AP3S1: variants seen among roughly 807,000 people sequenced by gnomAD.
AP3S1 encodes adaptor related protein complex 3 subunit sigma 1, also known as AP-3 complex subunit sigma-1.
Under a neutral mutation model 21.3 loss-of-function variants are expected in AP3S1, and 12 were observed. The observed-to-expected ratio is 0.56, with a 90% CI of 0.36 to 0.91. The LOEUF is 0.91. Among genes scored for constraint, AP3S1 ranks in the 40% least tolerant of loss-of-function variants. The probability of loss-of-function intolerance (pLI) is 0.01; values close to 1 mark genes in which losing one functional copy is unlikely to be tolerated. For synonymous variants in AP3S1, 48 were observed against 78.4 expected (o/e 0.61, Z 2.05); for missense variants, 116 against 225.0 (o/e 0.52, Z 3.10).
At chr5:115,845,797 A>G (rs12658544) in intron 1 of AP3S1, among the ~76,000 whole-genome samples, 1 of 131,656 alleles carries the variant, frequency 7.6e-6, no homozygotes, top group South Asian at 2.7e-4. Context: ...AGATCGTGCC[A>G]CTGCATTCCA....
intron 5 of AP3S1, among the ~76,000 whole-genome samples, chr5:115,906,077 G>A (rs1258392965): frequency 2.6e-5 from 4 of 152,192 alleles, no homozygotes; most frequent in Admixed American, 2.0e-4. Context: ...AGAATCGCCC[G>A]ATTCCGGGAG....
rs547291583 is a variant in AP3S1, at chr5:115,882,946, A to G, written c.274-12141A>G. Among the ~76,000 whole-genome samples the G allele has an allele frequency of 4.0e-4, 61 of 152,286 alleles. No homozygotes were observed. The Middle Eastern group carries it at 0.01, about 25-fold the overall frequency. On this transcript the variant is annotated intron_variant, in intron 3 of 5. Coordinates refer to ENST00000316788, the MANE Select transcript of AP3S1 (RefSeq NM_001284.4). The stretch of plus-strand genomic sequence containing the variant: ...GCAGTCTGGCCACAGTGACTTTGCC[A>G]TGTTGTGGTGGGCTCTGCCCAGTTT...
At chr5:115,874,999 T>C (rs775554482) in intron 3 of AP3S1, among the ~76,000 whole-genome samples, 2 of 152,138 alleles carry the variant, frequency 1.3e-5, no homozygotes, top group African/African-American at 2.4e-5. Flanking sequence ...GTGTGAGCGT[T>C]AAAAAAAGAT....
At chr5:115,844,775 T>G (rs373794180) in intron 1 of AP3S1, among the ~76,000 whole-genome samples, 12 of 152,154 alleles carry the variant, frequency 7.9e-5, no homozygotes, top group African/African-American at 2.4e-4. Context: ...GCTCAAAGCC[T>G]CCTCCTGGTT....
chr5:115,912,676 A>G (rs1259425604), intron 5 of AP3S1, among the ~76,000 whole-genome samples: 2 of 152,050 alleles, frequency 1.3e-5, no homozygotes, highest in African/African-American at 4.8e-5. Flanking sequence ...ATGACAAAAC[A>G]TTTTTAATCG....
At chr5:115,852,992 G>A (rs561782547) in intron 1 of AP3S1, 70 of 453,528 alleles carry the variant, frequency 1.5e-4, no homozygotes, top group Non-Finnish European at 6.2e-5. Flanking sequence ...ATATAACTGG[G>A]AGTAAAATTG....
chr5:115,842,044 A>C lies in AP3S1; in HGVS notation c.7A>C (p.Lys3Gln), dbSNP rs779757861. 1.3e-6 allele frequency: 2 copies of C among 1,591,416 alleles called. No individual in the cohort carries two copies. The highest frequency in any genetic ancestry group is 2.3e-5 in the East Asian group (1 of 42,748). MI[K>Q]AILIFNNHGK... ...CGGTCGGCCCGGCACAGCCATGATC[A>C]AGGCGATCCTAATCTTCAACAACCA... The change falls in exon 1 of 6, where the codon AAG (lysine) becomes CAG (glutamine). Residue 3 changes from lysine to glutamine, a missense_variant. Transcript: ENST00000316788.
chr5:115,858,313 A>G (rs1265054406), intron 1 of AP3S1, among the ~76,000 whole-genome samples: 1 of 152,186 alleles, frequency 6.6e-6, no homozygotes, highest in African/African-American at 2.4e-5. Flanking sequence ...TTTAGGTTAG[A>G]ATTTTTTCTC....
intron 1 of AP3S1, among the ~76,000 whole-genome samples, chr5:115,859,076 C>T (rs530793786): frequency 7.2e-5 from 11 of 152,174 alleles, no homozygotes; most frequent in African/African-American, 2.2e-4. Context: ...GTCCAATAAT[C>T]CTTGACTGAC....
chr5:115,885,788 T>G (rs569691355), intron 3 of AP3S1, among the ~76,000 whole-genome samples: 1 of 152,324 alleles, frequency 6.6e-6, no homozygotes, highest in South Asian at 2.1e-4. Context: ...CTCCTTAAAT[T>G]TTATCATTTG....
At chr5:115,873,107 A>T (rs948432267) in intron 3 of AP3S1, among the ~76,000 whole-genome samples, 1 of 152,178 alleles carries the variant, frequency 6.6e-6, no homozygotes, top group African/African-American at 2.4e-5. Flanking sequence ...GGTAAATCAG[A>T]AGTATTTTAT....
chr5:115,874,570 A>G (rs911396769), intron 3 of AP3S1, among the ~76,000 whole-genome samples: 4 of 152,168 alleles, frequency 2.6e-5, no homozygotes, highest in African/African-American at 9.6e-5. Flanking sequence ...GAGAACTAAC[A>G]GCTAAACTTT....
At chr5:115,848,230 G>A (rs1762197728) in intron 1 of AP3S1, among the ~76,000 whole-genome samples, 1 of 151,922 alleles carries the variant, frequency 6.6e-6, no homozygotes, top group Non-Finnish European at 1.5e-5. Context: ...GGCCACTAAG[G>A]TCATTCTTGA....
At chr5:115,886,789 T>C (rs1410233715) in intron 3 of AP3S1, among the ~76,000 whole-genome samples, 11 of 152,194 alleles carry the variant, frequency 7.2e-5, no homozygotes, top group African/African-American at 1.7e-4. Flanking sequence ...AAGGAATCAT[T>C]AATGTAAACT....
At chr5:115,886,066 G>C (rs987613777) in intron 3 of AP3S1, among the ~76,000 whole-genome samples, 7 of 152,112 alleles carry the variant, frequency 4.6e-5, no homozygotes, top group African/African-American at 1.4e-4. Context: ...AGATTTTTGA[G>C]ATTTGAATCA....
chr5:115,891,373 G>A (rs1273636590), intron 3 of AP3S1, among the ~76,000 whole-genome samples: 2 of 151,964 alleles, frequency 1.3e-5, no homozygotes, highest in Non-Finnish European at 2.9e-5. Context: ...ATCTACGTGG[G>A]GATAGTATCA....
intron 5 of AP3S1, chr5:115,904,178 G>A (rs1310746328): frequency 6.6e-6 from 1 of 152,054 alleles, no homozygotes; most frequent in Non-Finnish European, 1.5e-5. Flanking sequence ...ACTCAGATTG[G>A]AAAAAACAGA....
chr5:115,843,984 G>C (rs1007087784), intron 1 of AP3S1, among the ~76,000 whole-genome samples: 13 of 152,332 alleles, frequency 8.5e-5, no homozygotes, highest in African/African-American at 3.1e-4. Context: ...AGGGCACAGA[G>C]CTAGAAGATA....
At chr5:115,848,104 C>T (rs1332254691) in intron 1 of AP3S1, among the ~76,000 whole-genome samples, 1 of 151,776 alleles carries the variant, frequency 6.6e-6, no homozygotes. Context: ...TAGGTCATTT[C>T]ATGGCTTTTC....
Sources: allele counts gnomAD v4.1 joint callset (sites outside exome capture counted in the v4.1 genomes callset), GRCh38; gene constraint gnomAD v4.1.1; transcripts MANE v1.5; gene names NCBI Gene and HGNC (gene_info 2026-07-23, HGNC 2026-07-21).